The following KIFBP variants were observed in gnomAD, a reference collection of about 807,000 sequenced individuals.
The protein encoded by KIFBP is kinesin family binding protein.
In KIFBP, 46 loss-of-function variants were observed where a neutral mutation model predicts 58.9. That is an observed-to-expected ratio of 0.78 (90% CI 0.62 to 1.00). KIFBP has a LOEUF of 1.00. KIFBP is among the 50% of genes least tolerant of loss of function. The probability of loss-of-function intolerance (pLI) is 0.00; values close to 1 mark genes in which losing one functional copy is unlikely to be tolerated. For synonymous variants in KIFBP, 241 were observed against 283.4 expected (o/e 0.85, Z 1.50); for missense variants, 651 against 752.9 (o/e 0.86, Z 1.58).
intron 1 of KIFBP, among the ~76,000 whole-genome samples, chr10:68,997,496 C>A (rs987455326): frequency 6.6e-6 from 1 of 152,200 alleles, no homozygotes; most frequent in Non-Finnish European, 1.5e-5. Flanking sequence ...TCCCCTTCAC[C>A]TTTTGCCGTG....
chr10:69,004,945 T>C (rs1670500300), intron 2 of KIFBP, 101 bp from the exon 3 acceptor site: 1 of 757,186 alleles, frequency 1.3e-6, no homozygotes, highest in Non-Finnish European at 2.3e-6. Flanking sequence ...AAATGAAATG[T>C]ATTTGGCTTG....
intron 1 of KIFBP, 22 bp downstream of exon 1, chr10:68,989,280 C>A (rs1310251264): frequency 3.7e-6 from 6 of 1,610,342 alleles, no homozygotes; most frequent in Non-Finnish European, 4.2e-6. Context: ...CCCGGCCAGG[C>A]CGGCCCCTGT....
At position 69,011,633 on chromosome 10, in the gene KIFBP, C is replaced by T. The variant is rs192373550; in HGVS notation, c.990+618C>T. Among the ~76,000 whole-genome samples, 6 of 149,656 alleles carry T rather than the reference C, an allele frequency of 4.0e-5. No homozygotes were observed. The East Asian group carries it at 1.2e-3, about 29-fold the overall frequency. Reference sequence around the variant, plus strand: ...TCCTGGGCTCAAGTGATCTTCCTGCCTTGGCCTCCCAAAGTGCTGGGATTA... The same window carrying T: ...TCCTGGGCTCAAGTGATCTTCCTGCTTTGGCCTCCCAAAGTGCTGGGATTA... On this transcript the variant is annotated intron_variant, in intron 6 of 6. Coordinates refer to ENST00000361983, the MANE Select transcript of KIFBP (RefSeq NM_015634.4).
In KIFBP at chr10:69,008,842, T is replaced by A. The variant is rs766214681; in HGVS notation, c.791T>A (p.Leu264Gln). 9 of 1,611,640 alleles carry A rather than the reference T, an allele frequency of 5.6e-6. No homozygotes were observed. The highest frequency in any genetic ancestry group is 5.1e-6 in the Non-Finnish European group (6 of 1,177,840). The change falls in exon 5 of 7, where the codon CTA becomes CAA. Residue 264 changes from leucine (L) to glutamine (Q), a missense_variant and splice_region_variant. Coordinates refer to ENST00000361983, the MANE Select transcript of KIFBP (RefSeq NM_015634.4). The part of the protein sequence containing the change: ...ATLSQFYINK[L>Q]CFMEARHCLS... ...CACTGTTGTTTATTTCCCCAATAGC[T>A]ATGCTTTATGGAGGCCAGGCACTGT...
chr10:69,008,391 A>AAAATATATAT, intron 4 of KIFBP, among the ~76,000 whole-genome samples: 25 of 71,586 alleles, frequency 3.5e-4, no homozygotes, highest in African/African-American at 4.7e-4. Context: ...AAAAAAAAAA[A>AAAATATATAT]ATATATATAT....
chr10:69,005,759 A>G lies in KIFBP; in HGVS notation c.633A>G (p.Leu211=), dbSNP rs1353039561. 19 of 1,612,748 alleles carry G rather than the reference A, an allele frequency of 1.2e-5. No individual in the cohort carries two copies. Among genetic ancestry groups the G allele is most frequent in the Non-Finnish European group, 1.4e-5 (17 of 1,178,840 alleles). Residue 211 remains leucine (L), a synonymous_variant, in exon 4 of 7, where the codon CTA becomes CTG. Transcript: ENST00000361983. ...KRFEKVYTHN[L]YYLAQVYQHL... Reference sequence around the variant, plus strand: ...TTGAAAAGGTTTATACTCATAACCTATATTACCTAGCTCAAGTCTACCAGC... The same window carrying G: ...TTGAAAAGGTTTATACTCATAACCTGTATTACCTAGCTCAAGTCTACCAGC...
At chr10:69,002,194 CTG>C (rs1432704791) in intron 2 of KIFBP, among the ~76,000 whole-genome samples, 3 of 150,930 alleles carry the variant, frequency 2.0e-5, no homozygotes, top group Non-Finnish European at 4.4e-5. Flanking sequence ...GAGTCTCGCT[CTG>C]TTGTCCAGGC....
chr10:68,989,485 T>C (rs1266221555), intron 1 of KIFBP: 9 of 597,074 alleles, frequency 1.5e-5, no homozygotes, highest in Non-Finnish European at 2.4e-5. Flanking sequence ...AGACTCCGTG[T>C]CCACCCTCGT....
chr10:68,995,851 G>A (rs1843397390), intron 1 of KIFBP, among the ~76,000 whole-genome samples: 1 of 152,040 alleles, frequency 6.6e-6, no homozygotes, highest in Admixed American at 6.6e-5. Flanking sequence ...GATTTATATT[G>A]TATTTAAAGA....
At position 69,008,940 on chromosome 10, in the gene KIFBP, G is replaced by A; in HGVS notation, c.874+15G>A. ...CACAGAAGACAGTAAGTTTACCTTT[G>A]CATGTTTTACATAGCTTTTAAAAAA... On this transcript the variant is annotated intron_variant, in intron 5 of 6. Coordinates refer to ENST00000361983, the MANE Select transcript of KIFBP (RefSeq NM_015634.4). 6.3e-7 allele frequency: 1 copy of A among 1,593,254 alleles called. No individual in the cohort carries two copies.
At position 68,988,861 on chromosome 10, in the gene KIFBP, G is replaced by C; in HGVS notation, c.29G>C (p.Cys10Ser). 6.2e-7 allele frequency: 1 copy of C among 1,614,274 alleles called. No individual in the cohort carries two copies. The highest frequency in any genetic ancestry group is 8.5e-7 in the Non-Finnish European group (1 of 1,180,050). The change falls in exon 1 of 7, where the codon TGC becomes TCC. Residue 10 changes from cysteine to serine, a missense_variant. Physicochemically the swap from Cys to Ser is moderately radical, Grantham distance 112. Transcript: ENST00000361983. ...GCGAACGTTCCGTGGGCAGAGGTCT[G>C]CGAGAAATTCCAGGCGGCGCTCGCT... is the stretch of plus-strand genomic sequence containing the variant. MANVPWAEV[C>S]EKFQAALALS...
chr10:69,000,658 C>T lies in KIFBP; in HGVS notation c.525+136C>T, dbSNP rs147835807. 1,001 of 685,606 alleles carry T rather than the reference C, an allele frequency of 1.5e-3. 23 individuals carry two copies. The Admixed American group carries it at 0.021, about 14-fold the overall frequency. The allele number at this position is 685,606 out of a possible 1,614,324, so 42.5% of individuals were successfully genotyped here. ...TTCTCTATAGAGCCATCTGGGAAGT[C>T]ACCTCATAGCTGAAATTATTGCATA... On this transcript the variant is annotated intron_variant, in intron 2 of 6. Coordinates refer to ENST00000361983, the MANE Select transcript of KIFBP (RefSeq NM_015634.4).
chr10:69,010,369 A>T (rs994452107), intron 5 of KIFBP, among the ~76,000 whole-genome samples: 4 of 152,140 alleles, frequency 2.6e-5, no homozygotes, highest in East Asian at 1.9e-4. Context: ...TTTCAAGTTT[A>T]AAAAAAATGT....
chr10:69,007,774 A>G (rs1843550247), intron 4 of KIFBP: 1 of 152,236 alleles, frequency 6.6e-6, no homozygotes, highest in Non-Finnish European at 1.5e-5. Context: ...TTAAGTAGAC[A>G]TTCTATTTAA....
intron 6 of KIFBP, 196 bp from the exon 7 acceptor site, chr10:69,015,345 C>A: frequency 1.9e-6 from 1 of 540,016 alleles, no homozygotes; most frequent in Non-Finnish European, 3.2e-6. Flanking sequence ...CTTTTTTTTC[C>A]ACATTTCTTG....
chr10:69,015,174 G>T (rs1156981375), intron 6 of KIFBP, among the ~76,000 whole-genome samples: 1 of 152,030 alleles, frequency 6.6e-6, no homozygotes, highest in East Asian at 1.9e-4. Context: ...TGTCCGCCTT[G>T]GCCTCCCAAA....
chr10:69,015,443 G>C (rs1838984532), intron 6 of KIFBP, 98 bp from the exon 7 acceptor site: 4 of 1,182,936 alleles, frequency 3.4e-6, no homozygotes, highest in Non-Finnish European at 4.8e-6. Context: ...GAAAGTAAGA[G>C]ACTTCTCTTC....
intron 6 of KIFBP, among the ~76,000 whole-genome samples, chr10:69,012,103 TAGAAG>T (rs1460251967): frequency 3.3e-4 from 50 of 152,238 alleles, no homozygotes; most frequent in South Asian, 1.0e-3. Flanking sequence ...AGTTCAAAAA[TAGAAG>T]CAGAACTGAT....
chr10:69,007,175 A>G (rs1412250885), intron 4 of KIFBP, among the ~76,000 whole-genome samples: 3 of 152,216 alleles, frequency 2.0e-5, no homozygotes, highest in African/African-American at 7.2e-5. Context: ...AGTGTGATTA[A>G]AATTTAAAGT....
Sources: allele counts gnomAD v4.1 joint callset (sites outside exome capture counted in the v4.1 genomes callset), GRCh38; gene constraint gnomAD v4.1.1; transcripts MANE v1.5; gene names NCBI Gene and HGNC (gene_info 2026-07-23, HGNC 2026-07-21).